The following ZBTB47 variants were observed in gnomAD, a reference collection of about 807,000 sequenced individuals.
ZBTB47 encodes the protein zinc finger and BTB domain-containing protein 47.
In ZBTB47, 24 loss-of-function variants were observed where a neutral mutation model predicts 56.6. The observed-to-expected ratio is 0.42, with a 90% CI of 0.31 to 0.60. ZBTB47 has a LOEUF of 0.60. ZBTB47 is among the 20% of genes least tolerant of loss of function. ZBTB47 has a pLI of 0.14. For missense variants in ZBTB47, 829 were observed against 1,032.6 expected, an observed-to-expected ratio of 0.80 and a Z score of 2.70; for synonymous variants, 414 against 418.9, an observed-to-expected ratio of 0.99 and a Z score of 0.14.
chr3:42,665,977 A>AC lies in ZBTB47; in HGVS notation c.*1384dup, dbSNP rs1309333049. 1 of 151,976 alleles carries AC rather than the reference A, an allele frequency of 6.6e-6. No homozygotes were observed. Among genetic ancestry groups the AC allele is most frequent in the Non-Finnish European group, 1.5e-5 (1 of 67,996 alleles). The allele number at this position is 151,976 out of a possible 1,614,324, so 9.4% of individuals were successfully genotyped here. On this transcript the variant is annotated 3_prime_UTR_variant, in exon 6 of 6. Coordinates refer to ENST00000232974, the MANE Select transcript of ZBTB47 (RefSeq NM_145166.4). ...GTTTGTTATACTCTTTGCACCTTAAACCCCCACCACTCCCCGACACTATTG... is the reference window on the plus strand; with the variant it reads ...GTTTGTTATACTCTTTGCACCTTAAACCCCCCACCACTCCCCGACACTATTG...
rs1231717158 is a variant in ZBTB47 at position 42,667,525 on chromosome 3, G to T, written c.*2927G>T. Among the ~76,000 whole-genome samples the T allele has an allele frequency of 6.6e-6, 1 of 152,236 alleles. No individual in the cohort carries two copies. ...GCACCCCACAGCCCCAGAGCATGGG[G>T]CACAGCAGGCATGCGAGTGAGAGGA... is the stretch of plus-strand genomic sequence containing the variant. On this transcript the variant is annotated 3_prime_UTR_variant, in exon 6 of 6. Coordinates refer to ENST00000232974, the MANE Select transcript of ZBTB47 (RefSeq NM_145166.4).
chr3:42,658,958 T>C lies in ZBTB47; in HGVS notation c.603T>C (p.Gly201=). The C allele has an allele frequency of 6.6e-7, 1 of 1,505,330 alleles. No homozygotes were observed. The highest frequency in any genetic ancestry group is 8.8e-7 in the Non-Finnish European group (1 of 1,132,196). 93.2% of individuals were successfully genotyped at this position (1,505,330 alleles called of 1,614,324 possible). A position where few individuals can be genotyped will look rare whatever the true frequency, so the allele number is the denominator to read the frequency against. ...AGGAGGGTGGTGTCGAGGAGGCCGG[T>C]GGGCCCCCAGCCAGCTTGTGCAAGC... ...EEKEGGVEEA[G]GPPASLCKLE... The change falls in exon 2 of 6, where the codon GGT becomes GGC. Residue 201 remains glycine (G), a synonymous_variant. Coordinates refer to ENST00000232974, the MANE Select transcript of ZBTB47 (RefSeq NM_145166.4).
intron 1 of ZBTB47, among the ~76,000 whole-genome samples, chr3:42,655,234 AG>A (rs1003161860): frequency 3.3e-5 from 5 of 152,132 alleles, no homozygotes; most frequent in African/African-American, 1.2e-4. Flanking sequence ...CCTCACCAAA[AG>A]GAGGAGCCTA....
At chr3:42,660,200 G>A (rs748551015) in intron 2 of ZBTB47, among the ~76,000 whole-genome samples, 79 of 152,252 alleles carry the variant, frequency 5.2e-4, no homozygotes, top group Non-Finnish European at 9.3e-4. Context: ...GAGTCAGACG[G>A]GGTTTTAACA....
At chr3:42,662,942 G>T in intron 3 of ZBTB47, 70 bp from the exon 4 acceptor site, 1 of 1,147,268 alleles carries the variant, frequency 8.7e-7, no homozygotes, top group South Asian at 1.3e-5. Context: ...CAGGAGGCAG[G>T]GTCTGGGCCC....
At chr3:42,662,908 A>C in intron 3 of ZBTB47, 104 bp from the exon 4 acceptor site, 1 of 761,458 alleles carries the variant, frequency 1.3e-6, no homozygotes, top group South Asian at 1.6e-5. Context: ...AGCCCCAGAG[A>C]AGGGTGGTGG....
At chr3:42,664,210 G>A (rs562738998) in intron 5 of ZBTB47, 27 bp from the exon 6 acceptor site, 61 of 1,609,556 alleles carry the variant, frequency 3.8e-5, no homozygotes, top group Non-Finnish European at 4.8e-5. Flanking sequence ...CCTCACTGAC[G>A]CCCTGCTGCC....
At position 42,654,827 on chromosome 3, in the gene ZBTB47, T is replaced by A; in HGVS notation, c.-82+944T>A. ...CCCCTCCCCCGGTCTCCCGGCTCCATCTGCTGGGTCCCGCGGGCCGGGAAT... is the reference window on the plus strand; with the variant it reads ...CCCCTCCCCCGGTCTCCCGGCTCCAACTGCTGGGTCCCGCGGGCCGGGAAT... On this transcript the variant is annotated intron_variant, in intron 1 of 5. Coordinates refer to ENST00000232974, the MANE Select transcript of ZBTB47 (RefSeq NM_145166.4). The surrounding 1 kb of genome is among the most constrained non-coding windows in gnomAD (Gnocchi z 5.0). The A allele has an allele frequency of 2.1e-6, 1 of 472,344 alleles. No homozygotes were observed. The highest frequency in any genetic ancestry group is 2.8e-6 in the Non-Finnish European group (1 of 361,182). 29.3% of individuals were successfully genotyped at this position (472,344 alleles called of 1,614,324 possible).
intron 1 of ZBTB47, among the ~76,000 whole-genome samples, chr3:42,655,097 T>C (rs762362337): frequency 9.2e-5 from 14 of 152,088 alleles, no homozygotes; most frequent in Non-Finnish European, 1.3e-4. Context: ...CAAGGGGGTG[T>C]GGGAGGACAC....
rs1158142792 is a variant in ZBTB47, at chr3:42,663,737, C to G, written c.1738-60C>G. 2 of 1,591,382 alleles carry G rather than the reference C, an allele frequency of 1.3e-6. No individual in the cohort carries two copies. Among genetic ancestry groups the G allele is most frequent in the African/African-American group, 2.7e-5 (2 of 74,500 alleles). Reference sequence around the variant, plus strand: ...CCTGTGGCCACAGGGGAGCTGTTCCCTCCACAAAGGCTGCTCTTCTGCTCT... The same window carrying G: ...CCTGTGGCCACAGGGGAGCTGTTCCGTCCACAAAGGCTGCTCTTCTGCTCT... On this transcript the variant is annotated intron_variant, in intron 4 of 5. Coordinates refer to ENST00000232974, the MANE Select transcript of ZBTB47 (RefSeq NM_145166.4). The surrounding 1 kb of genome is among the most constrained non-coding windows in gnomAD (Gnocchi z 5.1).
rs1166654286 is a variant in ZBTB47 at position 42,666,559 on chromosome 3, C to T, written c.*1961C>T. On this transcript the variant is annotated 3_prime_UTR_variant, in exon 6 of 6. Coordinates refer to ENST00000232974, the MANE Select transcript of ZBTB47 (RefSeq NM_145166.4). ...TTTCCCAAAAAAAGTTGATCTCTCCCAGTGGGCTGTAGGCAGGGTCCTCCA... is the reference window on the plus strand; with the variant it reads ...TTTCCCAAAAAAAGTTGATCTCTCCTAGTGGGCTGTAGGCAGGGTCCTCCA... 6.6e-6 allele frequency among the ~76,000 whole-genome samples: 1 copy of T among 152,216 alleles called. No individual in the cohort carries two copies. Among genetic ancestry groups the T allele is most frequent in the Non-Finnish European group, 1.5e-5 (1 of 68,036 alleles).
chr3:42,662,999 GC>G lies in ZBTB47; in HGVS notation c.1622-10del, dbSNP rs1218705398. On this transcript the variant is annotated splice_polypyrimidine_tract_variant and intron_variant, in intron 3 of 5. Coordinates refer to ENST00000232974, the MANE Select transcript of ZBTB47 (RefSeq NM_145166.4). Reference sequence around the variant, plus strand: ...GCCCGTAAAACATGATGGCCCTGGTGCCCACCTCGTAGCCCACACCAAGGAC... The same window carrying G: ...GCCCGTAAAACATGATGGCCCTGGTGCCACCTCGTAGCCCACACCAAGGAC... 3.1e-6 allele frequency: 5 copies of G among 1,603,902 alleles called. No individual in the cohort carries two copies. Among genetic ancestry groups the G allele is most frequent in the East Asian group, 2.2e-5 (1 of 44,750 alleles).
Position 42,658,993 on chromosome 3 carries a change from G to A in ZBTB47, c.638G>A (p.Gly213Glu), listed in dbSNP as rs752478297. 95 of 1,527,806 alleles carry A rather than the reference G, an allele frequency of 6.2e-5. No homozygotes were observed. The highest frequency in any genetic ancestry group is 5.2e-5 in the Non-Finnish European group (59 of 1,143,002). The allele number at this position is 1,527,806 out of a possible 1,614,324, so 94.6% of individuals were successfully genotyped here. A position where few individuals can be genotyped will look rare whatever the true frequency, so the allele number is the denominator to read the frequency against. The stretch of plus-strand genomic sequence containing the variant: ...GCCAGCTTGTGCAAGCTGGAGGGTG[G>A]AGAAGAGTTGGAGGAAGAGCTTGGG... The part of the protein sequence containing the change: ...PPASLCKLEG[G>E]EELEEELGGS... The change falls in exon 2 of 6, where the codon GGA becomes GAA. Residue 213 changes from glycine (G) to glutamate (E), a missense_variant. By Grantham distance (98) the Gly-to-Glu change is moderately conservative (BLOSUM62 -2). Coordinates refer to ENST00000232974, the MANE Select transcript of ZBTB47 (RefSeq NM_145166.4).
upstream of ZBTB47, among the ~76,000 whole-genome samples, chr3:42,653,203 C>G (rs1710587890): frequency 1.3e-5 from 2 of 152,166 alleles, no homozygotes; most frequent in South Asian, 4.1e-4. Context: ...CAGGACAGAC[C>G]ATCAGGCTGT....
upstream of ZBTB47, among the ~76,000 whole-genome samples, chr3:42,653,394 G>C (rs1710591957): frequency 1.3e-5 from 2 of 152,206 alleles, no homozygotes; most frequent in Admixed American, 6.5e-5. Flanking sequence ...TATGTGGGGA[G>C]GGGTGTGGAA....
rs771416806 is a variant in ZBTB47, at chr3:42,658,548, G to C, written c.193G>C (p.Gly65Arg). ...GCTGTCCCTGGAGGCACTGGCACCT[G>C]GTGGCCTGCAGCAGATCCTCAACTT... ...VELSLEALAP[G>R]GLQQILNFIY... is the part of the protein sequence containing the mutation. The change falls in exon 2 of 6, where the codon GGT (glycine) becomes CGT (arginine). Residue 65 changes from glycine (G) to arginine (R), a missense_variant. By Grantham distance (125) the Gly-to-Arg change is moderately radical. Coordinates refer to ENST00000232974, the MANE Select transcript of ZBTB47 (RefSeq NM_145166.4). The C allele has an allele frequency of 1.3e-6, 2 of 1,537,062 alleles. No homozygotes were observed. The highest frequency in any genetic ancestry group is 1.4e-5 in the African/African-American group (1 of 73,048).
chr3:42,658,145 T>C (rs1710659652), intron 1 of ZBTB47, 130 bp from the exon 2 acceptor site: 1 of 1,016,068 alleles, frequency 9.8e-7, no homozygotes, highest in Non-Finnish European at 1.4e-6. Context: ...TTCGGCTCTG[T>C]TGCTGTAAAG....
chr3:42,664,773 GGCCCCA>G lies in ZBTB47; in HGVS notation c.*177_*182del, dbSNP rs1324775862. The G allele has an allele frequency of 1.5e-6, 1 of 681,210 alleles. No homozygotes were observed. The highest frequency in any genetic ancestry group is 1.9e-5 in the African/African-American group (1 of 52,856). The allele number at this position is 681,210 out of a possible 1,614,324, so 42.2% of individuals were successfully genotyped here. ...ACGAGGAGGGGTATGCAGGCTGGCA[GGCCCCA>G]GAGCTGGTGGAGGGCATCTCACTCC... On this transcript the variant is annotated 3_prime_UTR_variant, in exon 6 of 6. Transcript: ENST00000232974.
At position 42,658,595 on chromosome 3, in the gene ZBTB47, G is replaced by A. The variant is rs910299326; in HGVS notation, c.240G>A (p.Leu80=). 18 of 1,536,950 alleles carry A rather than the reference G, an allele frequency of 1.2e-5. No individual in the cohort carries two copies. Among genetic ancestry groups the A allele is most frequent in the Non-Finnish European group, 1.6e-5 (18 of 1,146,946 alleles). ...ILNFIYTSKL[L]VNAANVHEVL... ...ACTTCATCTATACGTCCAAGCTGCT[G>A]GTCAACGCGGCCAACGTCCACGAGG... Residue 80 remains leucine, a synonymous_variant, in exon 2 of 6, where the codon CTG becomes CTA. Transcript: ENST00000232974.
Sources: gnomAD v4.1 joint callset for allele counts (sites outside exome capture counted in the v4.1 genomes callset) on GRCh38, gnomAD v4.1.1 for gene constraint, Gnocchi (gnomAD v3.1) non-coding constraint, MANE v1.5 for transcripts, NCBI Gene and HGNC (gene_info 2026-07-23, HGNC 2026-07-21) for gene names.